The following EEF1D variants were observed in gnomAD, a reference collection of about 807,000 sequenced individuals.
EEF1D encodes eukaryotic translation elongation factor 1 delta, also known as elongation factor 1-delta.
Under a neutral mutation model 63.9 loss-of-function variants are expected in EEF1D, and 47 were observed. The observed-to-expected ratio is 0.74, with a 90% CI of 0.58 to 0.94. EEF1D has a LOEUF of 0.94. Ranked by LOEUF, EEF1D falls within the 40% of genes least tolerant of loss-of-function variation. EEF1D has a pLI of 0.00. For synonymous variants in EEF1D, 412 were observed against 386.1 expected (o/e 1.07, Z -0.79); for missense variants, 907 against 899.0 (o/e 1.01, Z -0.11).
intron 1 of EEF1D, chr8:143,597,046 C>T (rs1384177492): frequency 6.6e-6 from 1 of 152,224 alleles, no homozygotes; most frequent in Non-Finnish European, 1.5e-5. Context: ...CAAACACAGG[C>T]CTTAGGCCCC....
chr8:143,596,155 G>C (rs1828776059), intron 1 of EEF1D: 1 of 152,592 alleles, frequency 6.6e-6, no homozygotes, highest in South Asian at 2.1e-4. Flanking sequence ...GTCCTCCAGA[G>C]GAGGCGGGAG....
chr8:143,580,411 G>A, intron 8 of EEF1D, 95 bp downstream of exon 8: 1 of 1,448,744 alleles, frequency 6.9e-7, no homozygotes, highest in South Asian at 1.2e-5. Context: ...AGTCTCCCCA[G>A]AACCCAGAGG....
At chr8:143,586,078 C>T (rs1826528469) in intron 5 of EEF1D, 141 bp downstream of exon 5, 2 of 649,166 alleles carry the variant, frequency 3.1e-6, no homozygotes. Context: ...GGTCACAGAG[C>T]CACACGTCCC....
chr8:143,580,770 A>T, intron 7 of EEF1D, 43 bp from the exon 8 acceptor site: 1 of 1,603,852 alleles, frequency 6.2e-7, no homozygotes. Context: ...GAGACGCCCC[A>T]ACCAGGGCCC....
intron 3 of EEF1D, chr8:143,588,772 GC>G: frequency 4.7e-6 from 3 of 639,118 alleles, no homozygotes; most frequent in Non-Finnish European, 7.9e-6. Context: ...CATCCAGGCA[GC>G]CTGGAACTTT....
At chr8:143,587,109 G>A in intron 3 of EEF1D, 1 of 340,018 alleles carries the variant, frequency 2.9e-6, no homozygotes, top group Non-Finnish European at 5.3e-6. Flanking sequence ...ACGAAGCTGG[G>A]TTTATGTCAA....
intron 2 of EEF1D, among the ~76,000 whole-genome samples, chr8:143,591,837 G>A (rs889137584): frequency 2.0e-5 from 3 of 152,218 alleles, no homozygotes; most frequent in African/African-American, 4.8e-5. Context: ...AACGCCCCCC[G>A]TGGGGTGCTG....
At chr8:143,585,370 C>T (rs937367109) in intron 5 of EEF1D, among the ~76,000 whole-genome samples, 14 of 152,112 alleles carry the variant, frequency 9.2e-5, no homozygotes, top group African/African-American at 3.1e-4. Context: ...TGGGCATCCA[C>T]CAGAATCTGG....
Position 143,590,363 on chromosome 8 carries a change from G to T in EEF1D, c.1-282C>A. 5 of 631,292 alleles carry T rather than the reference G, an allele frequency of 7.9e-6. No homozygotes were observed. The South Asian group carries it at 8.0e-5, about 10-fold the overall frequency. The allele number at this position is 631,292 out of a possible 1,614,324, so 39.1% of individuals were successfully genotyped here. On this transcript the variant is annotated intron_variant, in intron 2 of 9. Coordinates refer to ENST00000618139, the MANE Select transcript of EEF1D (RefSeq NM_001130053.5). ...GGAGGCCAAGTGCCTCCCAATACATGAACAATATATAATTTTGTTAGTGAA... is the reference window on the plus strand; with the variant it reads ...GGAGGCCAAGTGCCTCCCAATACATTAACAATATATAATTTTGTTAGTGAA...
Position 143,589,526 on chromosome 8 carries a change from G to A in EEF1D, c.556C>T (p.Leu186=), listed in dbSNP as rs1019684978. 2.0e-6 allele frequency: 3 copies of A among 1,513,068 alleles called. No individual in the cohort carries two copies. Among genetic ancestry groups the A allele is most frequent in the East Asian group, 2.3e-5 (1 of 42,968 alleles). The allele number at this position is 1,513,068 out of a possible 1,614,324, so 93.7% of individuals were successfully genotyped here. A position where few individuals can be genotyped will look rare whatever the true frequency, so the allele number is the denominator to read the frequency against. Residue 186 remains leucine, a synonymous_variant, in exon 3 of 10, where the codon CTG becomes TTG. Transcript: ENST00000618139. ...AFVEWSQALL[L]APDGSRRQGT... is the part of the protein sequence containing the mutation. ...TGCCTGCGGCTGCCGTCGGGGGCCA[G>A]CAACAGGGCCTGAGACCACTCCACG...
chr8:143,591,092 C>T (rs1159561395), intron 2 of EEF1D, among the ~76,000 whole-genome samples: 1 of 152,228 alleles, frequency 6.6e-6, no homozygotes, highest in Non-Finnish European at 1.5e-5. Context: ...TCAGCTGCCC[C>T]CGCCTCCCAG....
intron 5 of EEF1D, chr8:143,581,961 C>T (rs1470037826): frequency 2.0e-5 from 3 of 152,566 alleles, no homozygotes; most frequent in Non-Finnish European, 4.4e-5. Context: ...TAAGCATCTA[C>T]CTGCACGCAT....
rs1177054621 is a variant in EEF1D, at chr8:143,581,071, T to C, written c.1471A>G (p.Thr491Ala). The C allele has an allele frequency of 6.2e-7, 1 of 1,611,968 alleles. No individual in the cohort carries two copies. Among genetic ancestry groups the C allele is most frequent in the Non-Finnish European group, 8.5e-7 (1 of 1,179,934 alleles). ...GCATTCACCTGGGTCTGTGGGGCCG[T>C]GGCCCGGTGGCCAGGCGAGCTCTTC... ...LEKSSPGHRA[T>A]APQTQHVSPM... The change falls in exon 7 of 10, where the codon ACG becomes GCG. Residue 491 changes from threonine to alanine, a missense_variant. Physicochemically the swap from Thr to Ala is moderately conservative, Grantham distance 58 (BLOSUM62 0). Coordinates refer to ENST00000618139, the MANE Select transcript of EEF1D (RefSeq NM_001130053.5).
rs535290278 is a variant in EEF1D at position 143,589,031 on chromosome 8, C to T, written c.1051G>A (p.Gly351Ser). Residue 351 changes from glycine to serine, a missense_variant, in exon 3 of 10, where the codon GGT (glycine) becomes AGT (serine). Physicochemically the swap from Gly to Ser is moderately conservative, Grantham distance 56. Coordinates refer to ENST00000618139, the MANE Select transcript of EEF1D (RefSeq NM_001130053.5). ...GACACGGACAGGCCAGACCGAGGAC[C>T]GGGTCGGTGAGACAGGGAGGCAGCT... ...LEAASLSHRP[G>S]PRSGLSVSSL... The T allele has an allele frequency of 2.7e-5, 43 of 1,602,384 alleles. No homozygotes were observed. Among genetic ancestry groups the T allele is most frequent in the South Asian group, 2.0e-4 (18 of 90,854 alleles).
At chr8:143,591,185 A>G (rs1224805885) in intron 2 of EEF1D, among the ~76,000 whole-genome samples, 5 of 152,136 alleles carry the variant, frequency 3.3e-5, no homozygotes, top group Non-Finnish European at 5.9e-5. Flanking sequence ...GGCCCCCTCT[A>G]AGGTTTTGCT....
At chr8:143,580,428 G>C in intron 8 of EEF1D, 78 bp downstream of exon 8, 1 of 1,514,858 alleles carries the variant, frequency 6.6e-7, no homozygotes, top group Non-Finnish European at 9.0e-7. Context: ...GAGGGCAGGG[G>C]GAGGGTCACA....
At chr8:143,593,320 C>T (rs76050175) in intron 1 of EEF1D, among the ~76,000 whole-genome samples, 2,096 of 152,328 alleles carry the variant, frequency 0.014, 60 homozygotes, top group African/African-American at 0.045. Context: ...GTTCACTCCT[C>T]GGCTGGAGAC....
At chr8:143,593,584 C>A (rs1828324824) in intron 1 of EEF1D, among the ~76,000 whole-genome samples, 1 of 152,168 alleles carries the variant, frequency 6.6e-6, no homozygotes, top group Non-Finnish European at 1.5e-5. Context: ...GAGCACCCTG[C>A]AGGGAGGAAC....
chr8:143,585,387 C>T (rs1289876722), intron 5 of EEF1D, among the ~76,000 whole-genome samples: 1 of 152,124 alleles, frequency 6.6e-6, no homozygotes, highest in African/African-American at 2.4e-5. Flanking sequence ...CTGGGAGAGG[C>T]AAAGGAACAG....
Sources: gnomAD v4.1 joint callset for allele counts (sites outside exome capture counted in the v4.1 genomes callset) on GRCh38, gnomAD v4.1.1 for gene constraint, MANE v1.5 for transcripts, NCBI Gene and HGNC (gene_info 2026-07-23, HGNC 2026-07-21) for gene names.